The following WARS1 variants were observed in gnomAD, a reference collection of about 807,000 sequenced individuals.
WARS1 encodes tryptophanyl-tRNA synthetase 1.
Under a neutral mutation model 47.8 loss-of-function variants are expected in WARS1, and 17 were observed. The ratio of observed to expected loss-of-function variants is 0.36; its 90% CI spans 0.24 to 0.53. The LOEUF (loss-of-function observed/expected upper bound fraction) is 0.53. WARS1 is among the 20% of genes least tolerant of loss of function. The pLI is 0.91. For synonymous variants in WARS1, 208 were observed against 228.1 expected, an observed-to-expected ratio of 0.91 and a Z score of 0.79; for missense variants, 434 against 608.0, an observed-to-expected ratio of 0.71 and a Z score of 3.01.
intron 4 of WARS1, among the ~76,000 whole-genome samples, chr14:100,360,315 A>G (rs896737223): frequency 1.3e-5 from 2 of 152,174 alleles, no homozygotes; most frequent in African/African-American, 4.8e-5. Flanking sequence ...TGCTATTAAT[A>G]TGATTCCCAC....
intron 6 of WARS1, chr14:100,353,025 C>T (rs1895092718): frequency 6.6e-6 from 1 of 152,194 alleles, no homozygotes; most frequent in African/African-American, 2.4e-5. Flanking sequence ...GACTGACTAT[C>T]CTTGGCAAGA....
At chr14:100,357,554 T>C (rs1895402739) in intron 4 of WARS1, among the ~76,000 whole-genome samples, 1 of 151,950 alleles carries the variant, frequency 6.6e-6, no homozygotes, top group Admixed American at 6.6e-5. Context: ...CTCTGCCTCC[T>C]GGGTTCAAGT....
In WARS1 at chr14:100,369,313, C is replaced by T. The variant is rs564676929; in HGVS notation, c.-73-55G>A. Reference sequence around the variant, plus strand: ...GAAAAACCAGAGGTTAACACAACATCGCGGCTGTTTTTCCTTTCCTGTATT... The same window carrying T: ...GAAAAACCAGAGGTTAACACAACATTGCGGCTGTTTTTCCTTTCCTGTATT... On this transcript the variant is annotated intron_variant, in intron 1 of 10. Coordinates refer to ENST00000392882, the MANE Select transcript of WARS1 (RefSeq NM_004184.4). 42 of 570,110 alleles carry T rather than the reference C, an allele frequency of 7.4e-5. 1 individual carries two copies. Among genetic ancestry groups the T allele is most frequent in the African/African-American group, 7.0e-4 (36 of 51,496 alleles). 35.3% of individuals were successfully genotyped at this position (570,110 alleles called of 1,614,324 possible). A position where few individuals can be genotyped will look rare whatever the true frequency, so the allele number is the denominator to read the frequency against.
chr14:100,360,997 GTATATA>G (rs150819452), intron 3 of WARS1, among the ~76,000 whole-genome samples: 1 of 150,174 alleles, frequency 6.7e-6, no homozygotes, highest in Non-Finnish European at 1.5e-5. Flanking sequence ...ATATAAATAG[GTATATA>G]TATATATATT....
At chr14:100,370,780 A>T (rs1896299126) in intron 1 of WARS1, among the ~76,000 whole-genome samples, 1 of 80,880 alleles carries the variant, frequency 1.2e-5, no homozygotes, top group African/African-American at 3.3e-5. Context: ...CTACAAAAAA[A>T]TGAAAAAAAA....
chr14:100,353,984 C>T (rs947793028), intron 5 of WARS1, 115 bp from the exon 6 acceptor site: 1 of 897,346 alleles, frequency 1.1e-6, no homozygotes, highest in Non-Finnish European at 1.7e-6. Context: ...TCCTTGCCTA[C>T]AAAATCACAA....
chr14:100,340,850 G>A (rs1894110710), intron 9 of WARS1, among the ~76,000 whole-genome samples: 1 of 151,936 alleles, frequency 6.6e-6, no homozygotes, highest in African/African-American at 2.4e-5. Flanking sequence ...CACCTCGAGG[G>A]CTCTACTGGT....
chr14:100,344,365 G>C (rs1217688789), intron 7 of WARS1, among the ~76,000 whole-genome samples: 1 of 152,190 alleles, frequency 6.6e-6, no homozygotes, highest in Admixed American at 6.5e-5. Context: ...GATTGCAGAC[G>C]GAGTCTGGTT....
intron 2 of WARS1, among the ~76,000 whole-genome samples, chr14:100,363,610 T>C (rs945335266): frequency 2.0e-5 from 3 of 152,018 alleles, no homozygotes; most frequent in Non-Finnish European, 2.9e-5. Flanking sequence ...AGTCAGAGGA[T>C]TGCTTGAGCC....
At chr14:100,367,608 CAA>C (rs35916618) in intron 2 of WARS1, among the ~76,000 whole-genome samples, 1,590 of 29,712 alleles carry the variant, frequency 0.054, 20 homozygotes, top group African/African-American at 0.21. Context: ...GGTGGGGTGG[CAA>C]AAAAAAAAAA....
Position 100,358,018 on chromosome 14 carries a change from C to T in WARS1, c.422+2536G>A, listed in dbSNP as rs150175296. Among the ~76,000 whole-genome samples, 938 of 152,306 alleles carry T rather than the reference C, an allele frequency of 6.2e-3. 6 individuals are homozygous for T. Among genetic ancestry groups the T allele is most frequent in the Middle Eastern group, 0.01 (3 of 294 alleles). The stretch of plus-strand genomic sequence containing the variant: ...TGAATCTACAGATTCAGTGCAATCC[C>T]TATCAAAATCCTAGCTGCTGCTTTT... On this transcript the variant is annotated intron_variant, in intron 4 of 10. Coordinates refer to ENST00000392882, the MANE Select transcript of WARS1 (RefSeq NM_004184.4).
Position 100,361,812 on chromosome 14 carries a change from G to A in WARS1, c.209C>T (p.Thr70Ile). The change falls in exon 3 of 11, where the codon ACC (threonine) becomes ATC (isoleucine). Residue 70 changes from threonine (T) to isoleucine (I), a missense_variant. Physicochemically the swap from Thr to Ile is moderately conservative, Grantham distance 89. Coordinates refer to ENST00000392882, the MANE Select transcript of WARS1 (RefSeq NM_004184.4). ...ADCPPGNPAP[T>I]SNHGPDATEA... ...TGTGGCATCTGGGCCATGATTACTG[G>A]TAGGTGCTGGGTTCCCTGGAGGACA... The A allele has an allele frequency of 6.2e-7, 1 of 1,614,172 alleles. No homozygotes were observed. The highest frequency in any genetic ancestry group is 8.5e-7 in the Non-Finnish European group (1 of 1,180,034).
At position 100,361,797 on chromosome 14, in the gene WARS1, G is replaced by A. The variant is rs1220069634; in HGVS notation, c.224C>T (p.Pro75Leu). ...GNPAPTSNHG[P>L]DATEAEEDFV... ...ATCCTCTTCAGCTTCTGTGGCATCTGGGCCATGATTACTGGTAGGTGCTGG... is the reference window on the plus strand; with the variant it reads ...ATCCTCTTCAGCTTCTGTGGCATCTAGGCCATGATTACTGGTAGGTGCTGG... Residue 75 changes from proline to leucine, a missense_variant, in exon 3 of 11, where the codon CCA becomes CTA. Physicochemically the swap from Pro to Leu is moderately conservative, Grantham distance 98 (BLOSUM62 -3). This residue lies in a region of WARS1 where 347 missense variants were observed against 523.8 expected (regional missense o/e 0.66). Transcript: ENST00000392882. The A allele has an allele frequency of 1.2e-6, 2 of 1,614,024 alleles. No individual in the cohort carries two copies. Among genetic ancestry groups the A allele is most frequent in the Non-Finnish European group, 8.5e-7 (1 of 1,180,046 alleles).
intron 1 of WARS1, among the ~76,000 whole-genome samples, chr14:100,374,424 T>A (rs1039575097): frequency 1.3e-5 from 2 of 152,204 alleles, no homozygotes; most frequent in Non-Finnish European, 2.9e-5. Context: ...TAACCCCCAG[T>A]TCCCCCTTTT....
chr14:100,342,582 A>C lies in WARS1; in HGVS notation c.940-11T>G, dbSNP rs201666804. 3 of 1,604,398 alleles carry C rather than the reference A, an allele frequency of 1.9e-6. No homozygotes were observed. Among genetic ancestry groups the C allele is most frequent in the East Asian group, 4.5e-5 (2 of 44,726 alleles). ...TCTAAAGTAAGGATCCTGTGGGGAGAGTAAGGACCCTGATGAGGGCGGCCA... is the reference window on the plus strand; with the variant it reads ...TCTAAAGTAAGGATCCTGTGGGGAGCGTAAGGACCCTGATGAGGGCGGCCA... On this transcript the variant is annotated splice_polypyrimidine_tract_variant and intron_variant, in intron 8 of 10. Transcript: ENST00000392882.
At position 100,342,504 on chromosome 14, in the gene WARS1, T is replaced by C; in HGVS notation, c.1007A>G (p.His336Arg). ...CTGCAGGGCTGGGAAGAAGGTGGAG[T>C]GCAGCAGGGCTGGTTTAGGATAGCC... ...RIGYPKPALL[H>R]STFFPALQGA... The change falls in exon 9 of 11, where the codon CAC becomes CGC. Residue 336 changes from histidine to arginine, a missense_variant. By Grantham distance (29) the His-to-Arg change is conservative. Coordinates refer to ENST00000392882, the MANE Select transcript of WARS1 (RefSeq NM_004184.4). 1.2e-6 allele frequency: 2 copies of C among 1,613,848 alleles called. No individual in the cohort carries two copies. Among genetic ancestry groups the C allele is most frequent in the Non-Finnish European group, 1.7e-6 (2 of 1,179,960 alleles).
chr14:100,375,260 C>T (rs1441414395), intron 1 of WARS1, 23 bp downstream of exon 1: 2 of 152,254 alleles, frequency 1.3e-5, no homozygotes, highest in African/African-American at 4.8e-5. Flanking sequence ...AGCTCTAAGC[C>T]TGGCAAAGAT....
intron 2 of WARS1, chr14:100,365,841 A>G: frequency 2.9e-6 from 1 of 349,416 alleles, no homozygotes; most frequent in South Asian, 2.2e-5. Flanking sequence ...AGTGCCTAAC[A>G]GCATGAGAGA....
chr14:100,376,299 C>T (rs894941349), upstream of WARS1: 32 of 1,023,732 alleles, frequency 3.1e-5, no homozygotes, highest in African/African-American at 4.9e-4. Flanking sequence ...GGCTCAGCAA[C>T]CGGCTGTCTC....
Sources: gnomAD v4.1 joint callset for allele counts (sites outside exome capture counted in the v4.1 genomes callset) on GRCh38, gnomAD v4.1.1 for gene constraint, gnomAD v4.1.1 regional missense constraint, MANE v1.5 for transcripts, NCBI Gene and HGNC (gene_info 2026-07-23, HGNC 2026-07-21) for gene names.